PRKCB: variants seen among roughly 807,000 people sequenced by gnomAD.
PRKCB encodes the protein protein kinase C beta, also known as protein kinase C beta type.
PRKCB carries 13 observed loss-of-function variants against 81.5 expected under a neutral mutation model. That is an observed-to-expected ratio of 0.16 (90% CI 0.10 to 0.25). The LOEUF (loss-of-function observed/expected upper bound fraction) is 0.25, where lower values mean the gene tolerates loss of function less well. PRKCB is among the 10% of genes least tolerant of loss of function. The pLI is 1.00. For synonymous variants in PRKCB, 335 were observed against 321.4 expected (o/e 1.04, Z -0.45); for missense variants, 509 against 875.7 (o/e 0.58, Z 5.29).
Position 24,218,611 on chromosome 16 carries a change from T to C in PRKCB, c.*3795T>C. ...GGAGCAGCCACAAAGAAGCAAGTCTTGTAAAAGGTCTTTTGCAAAGGAGAG... is the reference window on the plus strand; with the variant it reads ...GGAGCAGCCACAAAGAAGCAAGTCTCGTAAAAGGTCTTTTGCAAAGGAGAG... On this transcript the variant is annotated 3_prime_UTR_variant, in exon 17 of 17. Coordinates refer to ENST00000643927, the MANE Select transcript of PRKCB (RefSeq NM_002738.7). 1.0e-6 allele frequency: 1 copy of C among 985,142 alleles called. No individual in the cohort carries two copies. Among genetic ancestry groups the C allele is most frequent in the Non-Finnish European group, 1.2e-6 (1 of 829,948 alleles). The allele number at this position is 985,142 out of a possible 1,614,324, so 61.0% of individuals were successfully genotyped here. A position where few individuals can be genotyped will look rare whatever the true frequency, so the allele number is the denominator to read the frequency against.
intron 10 of PRKCB, among the ~76,000 whole-genome samples, chr16:24,166,629 C>G (rs1230802319): frequency 6.6e-6 from 1 of 152,138 alleles, no homozygotes; most frequent in Non-Finnish European, 1.5e-5. Flanking sequence ...GAAACACGGC[C>G]GTTTGGAAAT....
chr16:24,140,311 A>G (rs368433367), intron 9 of PRKCB, among the ~76,000 whole-genome samples: 7 of 152,320 alleles, frequency 4.6e-5, no homozygotes, highest in African/African-American at 1.7e-4. Flanking sequence ...GAGAGCCTCA[A>G]AAGTGAAGAA....
intron 12 of PRKCB, among the ~76,000 whole-genome samples, chr16:24,178,531 C>T (rs930111127): frequency 2.0e-5 from 3 of 152,238 alleles, no homozygotes; most frequent in Non-Finnish European, 4.4e-5. Flanking sequence ...GAAGGGTTGT[C>T]ATTTGTCACT....
In PRKCB at chr16:24,176,698, G is replaced by T. The variant is rs113901283; in HGVS notation, c.1394+2118G>T. 8.0e-3 allele frequency among the ~76,000 whole-genome samples: 1,216 copies of T among 152,216 alleles called. 12 individuals are homozygous for T. The highest frequency in any genetic ancestry group is 0.028 in the African/African-American group (1,144 of 41,530). Reference sequence around the variant, plus strand: ...GCCTGAGGTCAGGAGTTGGTGACCAGCCTGGCTAACATGGTGAAACCTCAT... The same window carrying T: ...GCCTGAGGTCAGGAGTTGGTGACCATCCTGGCTAACATGGTGAAACCTCAT... On this transcript the variant is annotated intron_variant, in intron 12 of 16. Transcript: ENST00000643927.
At chr16:24,007,393 G>T (rs765015769) in intron 3 of PRKCB, among the ~76,000 whole-genome samples, 20 of 152,196 alleles carry the variant, frequency 1.3e-4, no homozygotes, top group Non-Finnish European at 2.8e-4. Context: ...TCTCCCATGG[G>T]CTGGTTGGAG....
At chr16:24,182,719 G>T (rs1300356109) in intron 13 of PRKCB, among the ~76,000 whole-genome samples, 1 of 152,128 alleles carries the variant, frequency 6.6e-6, no homozygotes, top group East Asian at 1.9e-4. Flanking sequence ...CCATCTGTGG[G>T]CTGGAGGGGA....
At chr16:23,934,950 C>T (rs1415078643) in intron 2 of PRKCB, among the ~76,000 whole-genome samples, 7 of 152,280 alleles carry the variant, frequency 4.6e-5, no homozygotes, top group Middle Eastern at 3.4e-3. Flanking sequence ...CTTCTCTGAA[C>T]GTGGCCTTTG....
At chr16:24,062,808 C>T (rs1965989432) in intron 5 of PRKCB, among the ~76,000 whole-genome samples, 1 of 152,022 alleles carries the variant, frequency 6.6e-6, no homozygotes, top group South Asian at 2.1e-4. Context: ...AGAATGCATA[C>T]TTATTTTTTT....
intron 3 of PRKCB, among the ~76,000 whole-genome samples, chr16:24,029,489 T>G (rs888774142): frequency 7.9e-5 from 12 of 152,350 alleles, no homozygotes; most frequent in Middle Eastern, 6.8e-3. Context: ...ATTTTAAGTT[T>G]CTTGAGGCCT....
rs1175208961 is a variant in PRKCB, at chr16:24,020,811, A to G, written c.289-11325A>G. Among the ~76,000 whole-genome samples, 4 of 152,164 alleles carry G rather than the reference A, an allele frequency of 2.6e-5. No homozygotes were observed. In the East Asian group the frequency reaches 7.7e-4, roughly 29 times the overall value. ...CAGGGATGACACAGTCTGAACTTGC[A>G]ATTTGCTTTTCCTTTCTCCTCTATG... is the stretch of plus-strand genomic sequence containing the variant. On this transcript the variant is annotated intron_variant, in intron 3 of 16. Coordinates refer to ENST00000643927, the MANE Select transcript of PRKCB (RefSeq NM_002738.7).
chr16:23,871,669 C>G (rs1277346841), intron 2 of PRKCB, among the ~76,000 whole-genome samples: 1 of 152,080 alleles, frequency 6.6e-6, no homozygotes, highest in Non-Finnish European at 1.5e-5. Flanking sequence ...CCTGTGCCTC[C>G]TGGGTTCAGG....
At chr16:24,160,904 G>A (rs1407958407) in intron 10 of PRKCB, among the ~76,000 whole-genome samples, 1 of 152,152 alleles carries the variant, frequency 6.6e-6, no homozygotes, top group East Asian at 1.9e-4. Context: ...AATGCCCGCG[G>A]CATGAGCATG....
intron 16 of PRKCB, among the ~76,000 whole-genome samples, chr16:24,211,734 A>G (rs1004216128): frequency 1.3e-5 from 2 of 151,644 alleles, no homozygotes; most frequent in Non-Finnish European, 2.9e-5. Flanking sequence ...AATTTTTTGT[A>G]TTTTTAGTAG....
In PRKCB at chr16:23,874,551, T is replaced by C. The variant is rs1477187259; in HGVS notation, c.205+37145T>C. Among the ~76,000 whole-genome samples, 15 of 144,304 alleles carry C rather than the reference T, an allele frequency of 1.0e-4. No individual in the cohort carries two copies. The Admixed American group carries it at 1.1e-3, about 11-fold the overall frequency. 94.7% of individuals were successfully genotyped at this position (144,304 alleles called of 152,430 possible). A position where few individuals can be genotyped will look rare whatever the true frequency, so the allele number is the denominator to read the frequency against. ...TTGGTGTACCCACACAGGCCTAGCA[T>C]CACCAGATTCTTCTCTCTTTTTTTT... On this transcript the variant is annotated intron_variant, in intron 2 of 16. Coordinates refer to ENST00000643927, the MANE Select transcript of PRKCB (RefSeq NM_002738.7).
At position 24,086,777 on chromosome 16, in the gene PRKCB, A is replaced by G. The variant is rs140228004; in HGVS notation, c.530-6014A>G. 7.2e-3 allele frequency among the ~76,000 whole-genome samples: 1,096 copies of G among 152,300 alleles called. 16 individuals carry two copies. The highest frequency in any genetic ancestry group is 0.025 in the African/African-American group (1,036 of 41,548). On this transcript the variant is annotated intron_variant, in intron 5 of 16. Transcript: ENST00000643927. ...CTCTACCTGTTCCTCAGAGGTGGACATTATTTTAAATCAATTTTGGGTATA... is the reference window on the plus strand; with the variant it reads ...CTCTACCTGTTCCTCAGAGGTGGACGTTATTTTAAATCAATTTTGGGTATA...
chr16:23,978,661 T>C (rs79244492), intron 2 of PRKCB, among the ~76,000 whole-genome samples: 3,538 of 152,176 alleles, frequency 0.023, 142 homozygotes, highest in African/African-American at 0.079. Flanking sequence ...TGACAAGAGA[T>C]GAGAGTCAAG....
intron 12 of PRKCB, 61 bp downstream of exon 12, chr16:24,174,641 C>T (rs1967500535): frequency 7.1e-7 from 1 of 1,417,288 alleles, no homozygotes; most frequent in African/African-American, 1.4e-5. Flanking sequence ...CCTGCCCTGC[C>T]TCTTTCTTCA....
chr16:24,147,091 G>A (rs1401235944), intron 9 of PRKCB, among the ~76,000 whole-genome samples: 1 of 151,924 alleles, frequency 6.6e-6, no homozygotes, highest in Non-Finnish European at 1.5e-5. Context: ...GGCGGATCAC[G>A]AGGTCAGGAG....
chr16:23,945,521 T>C (rs1964194641), intron 2 of PRKCB, among the ~76,000 whole-genome samples: 1 of 152,134 alleles, frequency 6.6e-6, no homozygotes, highest in Non-Finnish European at 1.5e-5. Context: ...CAATAAGTAC[T>C]GGCTGAATGA....
Sources: gnomAD v4.1 joint callset for allele counts (sites outside exome capture counted in the v4.1 genomes callset) on GRCh38, gnomAD v4.1.1 for gene constraint, MANE v1.5 for transcripts, NCBI Gene and HGNC (gene_info 2026-07-23, HGNC 2026-07-21) for gene names.